PARP15: variants seen among roughly 807,000 people sequenced by gnomAD.
PARP15 encodes the protein poly(ADP-ribose) polymerase family member 15, also known as protein mono-ADP-ribosyltransferase PARP15.
PARP15 carries 50 observed loss-of-function variants against 62.1 expected under a neutral mutation model. The observed-to-expected ratio is 0.81, with a 90% CI of 0.64 to 1.02. The LOEUF is 1.02. Ranked by LOEUF, PARP15 falls within the 50% of genes least tolerant of loss-of-function variation. The pLI is 0.00. For missense variants in PARP15, 820 were observed against 826.5 expected, an observed-to-expected ratio of 0.99 and a Z score of 0.10; for synonymous variants, 309 against 293.1, an observed-to-expected ratio of 1.05 and a Z score of -0.55.
chr3:122,602,128 C>T (rs1934842681), intron 1 of PARP15, among the ~76,000 whole-genome samples: 2 of 151,968 alleles, frequency 1.3e-5, no homozygotes, highest in Admixed American at 1.3e-4. Context: ...TCCCAGATGC[C>T]CTGGGCTTGG....
chr3:122,625,969 C>T (rs1936697377), intron 8 of PARP15, among the ~76,000 whole-genome samples: 1 of 152,188 alleles, frequency 6.6e-6, no homozygotes, highest in Non-Finnish European at 1.5e-5. Context: ...ACCAGGAACA[C>T]ACACTACGGG....
At chr3:122,614,213 G>A (rs1189901720) in intron 4 of PARP15, among the ~76,000 whole-genome samples, 2 of 152,208 alleles carry the variant, frequency 1.3e-5, no homozygotes, top group South Asian at 4.1e-4. Flanking sequence ...ATTAAAACGG[G>A]TGTATTTGAA....
In PARP15 at chr3:122,632,364, C is replaced by T. The variant is rs535611677; in HGVS notation, c.1572+145C>T. On this transcript the variant is annotated intron_variant, in intron 10 of 11. Transcript: ENST00000464300. ...AGACTTACTCAAGTTCCATAGACTT[C>T]AAATCTCATAGTTTATTCATTAGCA... The T allele has an allele frequency of 2.3e-5, 18 of 773,202 alleles. No homozygotes were observed. In the South Asian group the frequency reaches 3.5e-4, roughly 15 times the overall value. 47.9% of individuals were successfully genotyped at this position (773,202 alleles called of 1,614,324 possible). A position where few individuals can be genotyped will look rare whatever the true frequency, so the allele number is the denominator to read the frequency against.
At chr3:122,620,136 A>C (rs1412405905) in intron 7 of PARP15, among the ~76,000 whole-genome samples, 2 of 152,190 alleles carry the variant, frequency 1.3e-5, no homozygotes, top group Non-Finnish European at 2.9e-5. Context: ...CACGTCATCT[A>C]ACTGCTAAGA....
intron 1 of PARP15, among the ~76,000 whole-genome samples, chr3:122,580,040 C>T (rs11923811): frequency 0.018 from 1,789 of 100,376 alleles, 63 homozygotes; most frequent in African/African-American, 0.062. Flanking sequence ...TATATATGCA[C>T]GCGCGCACAC....
chr3:122,582,102 T>C (rs1173184680), intron 1 of PARP15, among the ~76,000 whole-genome samples: 1 of 152,240 alleles, frequency 6.6e-6, no homozygotes, highest in Non-Finnish European at 1.5e-5. Context: ...ATAGCACTGG[T>C]CTACTGGTGA....
At chr3:122,612,146 C>T (rs143774466) in intron 3 of PARP15, among the ~76,000 whole-genome samples, 71 of 152,080 alleles carry the variant, frequency 4.7e-4, no homozygotes, top group African/African-American at 1.5e-3. Flanking sequence ...ACCTCCACCT[C>T]CTGGGCTCAG....
At chr3:122,623,232 G>A (rs186436214) in intron 8 of PARP15, among the ~76,000 whole-genome samples, 66 of 152,244 alleles carry the variant, frequency 4.3e-4, no homozygotes, top group African/African-American at 1.5e-3. Context: ...GCAAATTACA[G>A]CTCTCACAAA....
At chr3:122,594,387 T>G (rs1934176184) in intron 1 of PARP15, 1 of 269,962 alleles carries the variant, frequency 3.7e-6, no homozygotes, top group Non-Finnish European at 5.7e-6. Flanking sequence ...GAGACAAAGA[T>G]AAATCAGATT....
At chr3:122,606,652 C>T (rs1488135772) in intron 2 of PARP15, among the ~76,000 whole-genome samples, 4 of 152,124 alleles carry the variant, frequency 2.6e-5, no homozygotes, top group Middle Eastern at 3.2e-3. Context: ...CATAATCATC[C>T]GGGGGACCTT....
At position 122,638,747 on chromosome 3, in the gene PARP15, G is replaced by A. The variant is rs1270971516; in HGVS notation, c.*2647G>A. ...TGCAAAAATTTTCTCCCATTCTGTA[G>A]GTTGCCTGTTCACTCTGATGGTAGT... On this transcript the variant is annotated 3_prime_UTR_variant, in exon 12 of 12. Coordinates refer to ENST00000464300, the MANE Select transcript of PARP15 (RefSeq NM_001113523.3). 2.0e-5 allele frequency: 3 copies of A among 151,996 alleles called. No homozygotes were observed. The highest frequency in any genetic ancestry group is 4.4e-5 in the Non-Finnish European group (3 of 68,012). The allele number at this position is 151,996 out of a possible 1,614,324, so 9.4% of individuals were successfully genotyped here.
At chr3:122,595,527 T>G (rs4678202) in intron 1 of PARP15, among the ~76,000 whole-genome samples, 105,534 of 152,034 alleles carry the variant, frequency 0.69, 39,133 homozygotes, top group East Asian at 0.9. Flanking sequence ...ACTTTTCGGT[T>G]TTGTCCTACC....
rs1935506987 is a variant in PARP15 at position 122,610,748 on chromosome 3, T to C, written c.543+18T>C. ...CTTGGCAGGTAGGGAACGCTCTTAG[T>C]TCTCCAACGTATTGGGTGGCTTTGG... is the stretch of plus-strand genomic sequence containing the variant. On this transcript the variant is annotated intron_variant, in intron 3 of 11. Transcript: ENST00000464300. 3.4e-6 allele frequency: 5 copies of C among 1,485,430 alleles called. No homozygotes were observed. The highest frequency in any genetic ancestry group is 4.5e-6 in the Non-Finnish European group (5 of 1,115,824). 92.0% of individuals were successfully genotyped at this position (1,485,430 alleles called of 1,614,324 possible).
chr3:122,593,836 T>C (rs956847327), intron 1 of PARP15, among the ~76,000 whole-genome samples: 3 of 151,938 alleles, frequency 2.0e-5, no homozygotes, highest in Non-Finnish European at 2.9e-5. Context: ...GGTAGAATCC[T>C]ATAAGAAAAA....
At chr3:122,621,367 T>C in intron 7 of PARP15, 77 bp from the exon 8 acceptor site, 1 of 1,475,066 alleles carries the variant, frequency 6.8e-7, no homozygotes, top group East Asian at 2.3e-5. Flanking sequence ...TGTCAGCTGT[T>C]TTCATTTCTC....
intron 8 of PARP15, among the ~76,000 whole-genome samples, chr3:122,621,897 C>CA (rs1936374815): frequency 2.0e-5 from 3 of 152,190 alleles, no homozygotes; most frequent in African/African-American, 7.2e-5. Context: ...CTCCCAGGCT[C>CA]ACGCAATCCT....
rs143734558 is a variant in PARP15, at chr3:122,622,074, C to T, written c.1231+463C>T. The stretch of plus-strand genomic sequence containing the variant: ...TCAGCCTCCCTAAGTGCTGGGATTA[C>T]AGGCATGGGCCACTGTGCCCACCCC... On this transcript the variant is annotated intron_variant, in intron 8 of 11. Coordinates refer to ENST00000464300, the MANE Select transcript of PARP15 (RefSeq NM_001113523.3). 4.5e-4 allele frequency among the ~76,000 whole-genome samples: 69 copies of T among 152,366 alleles called. No homozygotes were observed. The East Asian group carries it at 0.013, about 29-fold the overall frequency.
chr3:122,605,388 T>C (rs549981461), intron 1 of PARP15, among the ~76,000 whole-genome samples: 2 of 152,132 alleles, frequency 1.3e-5, no homozygotes, highest in Non-Finnish European at 2.9e-5. Context: ...GCTAGGATTC[T>C]TGGGGGGAAT....
intron 1 of PARP15, among the ~76,000 whole-genome samples, chr3:122,579,999 G>A (rs6796882): frequency 0.1 from 6,687 of 64,178 alleles, 759 homozygotes; most frequent in African/African-American, 0.3. Flanking sequence ...GCAACTATAT[G>A]TATATATATA....
Sources: gnomAD v4.1 joint callset for allele counts (sites outside exome capture counted in the v4.1 genomes callset) on GRCh38, gnomAD v4.1.1 for gene constraint, MANE v1.5 for transcripts, NCBI Gene and HGNC (gene_info 2026-07-23, HGNC 2026-07-21) for gene names.